Variants in TMEM132C observed in about 807,000 individuals in gnomAD.
The protein encoded by TMEM132C is protein phosphatase 1, regulatory subunit 152.
TMEM132C carries 29 observed loss-of-function variants against 61.4 expected under a neutral mutation model. The ratio of observed to expected loss-of-function variants is 0.47; its 90% CI spans 0.35 to 0.64. The LOEUF is 0.64. Among genes scored for constraint, TMEM132C ranks in the 30% least tolerant of loss-of-function variants. TMEM132C has a pLI of 0.00. For synonymous variants in TMEM132C, 656 were observed against 633.1 expected (o/e 1.04, Z -0.54); for missense variants, 1,408 against 1,476.9 (o/e 0.95, Z 0.76).
At chr12:128,512,877 T>G (rs1422553475) in intron 2 of TMEM132C, among the ~76,000 whole-genome samples, 2 of 152,094 alleles carry the variant, frequency 1.3e-5, no homozygotes, top group African/African-American at 4.8e-5. Flanking sequence ...ACAAGAAAAT[T>G]TAAAGCCAAG....
At chr12:128,347,833 C>T (rs911282665) in intron 1 of TMEM132C, among the ~76,000 whole-genome samples, 42 of 152,282 alleles carry the variant, frequency 2.8e-4, no homozygotes, top group African/African-American at 1.0e-3. Flanking sequence ...TTAAGGAATC[C>T]TCATACTGTT....
At chr12:128,381,473 C>A (rs1472472900) in intron 1 of TMEM132C, among the ~76,000 whole-genome samples, 1 of 152,192 alleles carries the variant, frequency 6.6e-6, no homozygotes, top group Non-Finnish European at 1.5e-5. Context: ...AGAATCGAAT[C>A]TGAGTGTTTA....
At position 128,414,724 on chromosome 12, in the gene TMEM132C, C is replaced by T. The variant is rs760610575; in HGVS notation, c.86-8C>T. 3.1e-5 allele frequency: 46 copies of T among 1,502,802 alleles called. No homozygotes were observed. Among genetic ancestry groups the T allele is most frequent in the Non-Finnish European group, 4.0e-5 (45 of 1,129,518 alleles). The allele number at this position is 1,502,802 out of a possible 1,614,324, so 93.1% of individuals were successfully genotyped here. On this transcript the variant is annotated splice_region_variant and splice_polypyrimidine_tract_variant and intron_variant, in intron 1 of 8. Coordinates refer to ENST00000435159, the MANE Select transcript of TMEM132C (RefSeq NM_001136103.3). ...GTCTTTTTCTTTTCTTTCTTTTTCC[C>T]TTTTTAGTGATAGAGGGTCACGGGG...
chr12:128,376,674 A>G (rs1874201789), intron 1 of TMEM132C, among the ~76,000 whole-genome samples: 1 of 152,214 alleles, frequency 6.6e-6, no homozygotes, highest in Admixed American at 6.5e-5. Context: ...TGTTACATGA[A>G]TGAATGTTAT....
chr12:128,612,090 A>G (rs998126702), intron 3 of TMEM132C, among the ~76,000 whole-genome samples: 5 of 152,254 alleles, frequency 3.3e-5, no homozygotes, highest in East Asian at 1.9e-4. Context: ...TTGGTTCTGT[A>G]TCTTCCCAGA....
chr12:128,401,031 G>A (rs1875142087), intron 1 of TMEM132C, among the ~76,000 whole-genome samples: 2 of 152,174 alleles, frequency 1.3e-5, no homozygotes, highest in African/African-American at 4.8e-5. Flanking sequence ...CCAGGTAATG[G>A]GAATGAGCTT....
intron 3 of TMEM132C, among the ~76,000 whole-genome samples, chr12:128,573,086 G>T (rs1476261829): frequency 1.3e-5 from 2 of 152,166 alleles, no homozygotes; most frequent in Non-Finnish European, 2.9e-5. Context: ...ATTTGACCCA[G>T]CCATCCCATT....
chr12:128,686,053 A>ATG (rs35212839), intron 5 of TMEM132C, among the ~76,000 whole-genome samples: 62,587 of 143,114 alleles, frequency 0.44, 14,321 homozygotes, highest in Admixed American at 0.52. Flanking sequence ...GCGTGTGTGC[A>ATG]TGTGTGTGTG....
chr12:128,540,656 G>A (rs559580955), intron 2 of TMEM132C, among the ~76,000 whole-genome samples: 13 of 152,216 alleles, frequency 8.5e-5, no homozygotes, highest in East Asian at 7.7e-4. Flanking sequence ...GTCTTTCTGC[G>A]TGGACAAATA....
intron 2 of TMEM132C, among the ~76,000 whole-genome samples, chr12:128,432,161 A>G (rs142338396): frequency 6.8e-4 from 104 of 152,344 alleles, no homozygotes; most frequent in African/African-American, 2.5e-3. Flanking sequence ...AAGAGTTCTG[A>G]TGGATATGTG....
intron 1 of TMEM132C, among the ~76,000 whole-genome samples, chr12:128,357,336 C>A (rs1593023236): frequency 6.6e-6 from 1 of 152,208 alleles, no homozygotes; most frequent in South Asian, 2.1e-4. Context: ...CAGGAGACCC[C>A]CCCGGCTCCA....
intron 4 of TMEM132C, among the ~76,000 whole-genome samples, chr12:128,642,595 C>T (rs1954166091): frequency 6.6e-6 from 1 of 152,136 alleles, no homozygotes; most frequent in Admixed American, 6.6e-5. Flanking sequence ...CTCTCTTGCT[C>T]CCTCTCTCGC....
rs375685887 is a variant in TMEM132C at position 128,706,117 on chromosome 12, A to G, written c.3149A>G (p.Lys1050Arg). Residue 1050 changes from lysine to arginine, a missense_variant, in exon 9 of 9, where the codon AAG (lysine) becomes AGG (arginine). By Grantham distance (26) the Lys-to-Arg change is conservative. Coordinates refer to ENST00000435159, the MANE Select transcript of TMEM132C (RefSeq NM_001136103.3). Reference protein sequence around the residue: ...KQDPLHSPTSKRKKVKFTTFT... With the variant: ...KQDPLHSPTSRRKKVKFTTFT... The stretch of plus-strand genomic sequence containing the variant: ...GACCCCCTGCACTCGCCCACCTCCA[A>G]GAGGAAGAAGGTGAAATTTACCACC... 8.4e-6 allele frequency: 13 copies of G among 1,551,716 alleles called. No homozygotes were observed. The highest frequency in any genetic ancestry group is 1.2e-5 in the South Asian group (1 of 84,058).
chr12:128,593,056 TCTCTTTC>T lies in TMEM132C; in HGVS notation c.1122-23095_1122-23089del, dbSNP rs375398963. Among the ~76,000 whole-genome samples, 136 of 144,110 alleles carry T rather than the reference TCTCTTTC, an allele frequency of 9.4e-4. 1 individual carries two copies. Among genetic ancestry groups the T allele is most frequent in the African/African-American group, 3.3e-3 (133 of 40,814 alleles). 94.5% of individuals were successfully genotyped at this position (144,110 alleles called of 152,430 possible). On this transcript the variant is annotated intron_variant, in intron 3 of 8. Transcript: ENST00000435159. Reference sequence around the variant, plus strand: ...TTCTTCCTTTCTTTTCTCTCTGTCTTCTCTTTCTTTCCTTTCTCATCTTCCTTCTCTC... The same window carrying T: ...TTCTTCCTTTCTTTTCTCTCTGTCTTTTTCCTTTCTCATCTTCCTTCTCTC...
chr12:128,338,739 T>C (rs1593016281), intron 1 of TMEM132C, among the ~76,000 whole-genome samples: 1 of 147,188 alleles, frequency 6.8e-6, no homozygotes, highest in East Asian at 2.0e-4. Flanking sequence ...GGCTCCTTTC[T>C]TGTTTTCCTT....
At chr12:128,404,300 T>A (rs967609942) in intron 1 of TMEM132C, among the ~76,000 whole-genome samples, 3 of 152,218 alleles carry the variant, frequency 2.0e-5, no homozygotes, top group Non-Finnish European at 4.4e-5. Context: ...ATCCACTGCC[T>A]ACCCCATTTA....
intron 2 of TMEM132C, among the ~76,000 whole-genome samples, chr12:128,484,883 A>G (rs1296687085): frequency 6.6e-6 from 1 of 152,014 alleles, no homozygotes; most frequent in East Asian, 1.9e-4. Context: ...ACTTGAGCCC[A>G]GGAGTTCGAG....
At chr12:128,355,874 G>A (rs76148851) in intron 1 of TMEM132C, among the ~76,000 whole-genome samples, 1 of 152,048 alleles carries the variant, frequency 6.6e-6, no homozygotes, top group Non-Finnish European at 1.5e-5. Flanking sequence ...GTCCCTGGGT[G>A]CCCTACATAA....
chr12:128,456,326 CAT>C (rs1870339879), intron 2 of TMEM132C, among the ~76,000 whole-genome samples: 1 of 119,006 alleles, frequency 8.4e-6, no homozygotes, highest in Non-Finnish European at 1.7e-5. Context: ...TAATTTACTA[CAT>C]TAAATTGCAC....
Sources: allele counts gnomAD v4.1 joint callset (sites outside exome capture counted in the v4.1 genomes callset), GRCh38; gene constraint gnomAD v4.1.1; transcripts MANE v1.5; gene names NCBI Gene and HGNC (gene_info 2026-07-23, HGNC 2026-07-21).